CR2: variants seen among roughly 807,000 people sequenced by gnomAD.
The protein encoded by CR2 is complement C3d receptor 2, also known as complement receptor type 2.
In CR2, 96 loss-of-function variants were observed where a neutral mutation model predicts 123.0. The observed-to-expected ratio is 0.78, with a 90% CI of 0.66 to 0.93. CR2 has a LOEUF of 0.93. CR2 is among the 40% of genes least tolerant of loss of function. CR2 has a pLI of 0.00. For missense variants in CR2, 1,258 were observed against 1,361.0 expected (o/e 0.92, Z 1.19); for synonymous variants, 484 against 469.5 (o/e 1.03, Z -0.40).
At position 207,459,788 on chromosome 1, in the gene CR2, A is replaced by C. The variant is rs559587433; in HGVS notation, c.58+5312A>C. Among the ~76,000 whole-genome samples the C allele has an allele frequency of 2.9e-4, 44 of 152,320 alleles. No individual in the cohort carries two copies. The South Asian group carries it at 8.7e-3, about 30-fold the overall frequency. On this transcript the variant is annotated intron_variant, in intron 1 of 19. Coordinates refer to ENST00000367057, the MANE Select transcript of CR2 (RefSeq NM_001006658.3). The stretch of plus-strand genomic sequence containing the variant: ...GAAAATTTGTATTACTTGATGGCCC[A>C]TGGCTTAACCTTCCCTTTTCTGATA...
intron 2 of CR2, among the ~76,000 whole-genome samples, chr1:207,467,621 G>C (rs1658138238): frequency 6.6e-6 from 1 of 152,104 alleles, no homozygotes; most frequent in Non-Finnish European, 1.5e-5. Flanking sequence ...ATTTTAAGCA[G>C]ATTAAAGAGC....
Position 207,469,224 on chromosome 1 carries a change from T to G in CR2, c.809T>G (p.Val270Gly). ...GQGVAWTKMP[V>G]CEEIFCPSPP... ...GGAGTTGCTTGGACCAAAATGCCAGTATGTGAAGGTAGGCTAGGCAACTAT... is the reference window on the plus strand; with the variant it reads ...GGAGTTGCTTGGACCAAAATGCCAGGATGTGAAGGTAGGCTAGGCAACTAT... Residue 270 changes from valine (V) to glycine (G), a missense_variant, in exon 5 of 20, where the codon GTA becomes GGA. Transcript: ENST00000367057. 1 of 1,613,490 alleles carries G rather than the reference T, an allele frequency of 6.2e-7. No homozygotes were observed. The highest frequency in any genetic ancestry group is 8.5e-7 in the Non-Finnish European group (1 of 1,179,482).
chr1:207,458,077 C>CACACACACACACATACACACACACACAT (rs760630328), intron 1 of CR2, among the ~76,000 whole-genome samples: 5,541 of 150,136 alleles, frequency 0.037, 139 homozygotes, highest in East Asian at 0.091. Flanking sequence ...CACACACACA[C>CACACACACACACATACACACACACACAT]ACACACACAC....
In CR2 at chr1:207,461,330, G is replaced by A. The variant is rs546831009; in HGVS notation, c.59-5196G>A. On this transcript the variant is annotated intron_variant, in intron 1 of 19. Coordinates refer to ENST00000367057, the MANE Select transcript of CR2 (RefSeq NM_001006658.3). ...CTAATTTTTACTTGTAAGGGTGAAGGAGATGGAACAATTCTGAGGATTTTC... is the reference window on the plus strand; with the variant it reads ...CTAATTTTTACTTGTAAGGGTGAAGAAGATGGAACAATTCTGAGGATTTTC... Among the ~76,000 whole-genome samples, 8 of 152,204 alleles carry A rather than the reference G, an allele frequency of 5.3e-5. No homozygotes were observed. The East Asian group carries it at 1.4e-3, about 26-fold the overall frequency.
In CR2 at chr1:207,466,775, G is replaced by C. The variant is rs1325014294; in HGVS notation, c.308G>C (p.Arg103Thr). Residue 103 changes from arginine to threonine, a missense_variant, in exon 2 of 20, where the codon AGA becomes ACA. Arg to Thr is a moderately conservative substitution (Grantham distance 71). Coordinates refer to ENST00000367057, the MANE Select transcript of CR2 (RefSeq NM_001006658.3). ...ATAGTACCAGGAGGATACAAAATTA[G>C]AGGCTCTACACCCTACAGACATGGT... The part of the protein sequence containing the change: ...EPIVPGGYKI[R>T]GSTPYRHGDS... 2 of 1,613,804 alleles carry C rather than the reference G, an allele frequency of 1.2e-6. No homozygotes were observed. The highest frequency in any genetic ancestry group is 2.7e-5 in the African/African-American group (2 of 74,798).
At chr1:207,488,892 G>T (rs1658817965) in intron 19 of CR2, among the ~76,000 whole-genome samples, 1 of 152,128 alleles carries the variant, frequency 6.6e-6, no homozygotes, top group South Asian at 2.1e-4. Flanking sequence ...GAATGAGAAA[G>T]ATTAGTACTT....
intron 9 of CR2, chr1:207,472,070 A>C: frequency 5.8e-6 from 1 of 172,234 alleles, no homozygotes; most frequent in South Asian, 1.4e-4. Flanking sequence ...TAACATGGTA[A>C]AACCCCATCT....
intron 1 of CR2, among the ~76,000 whole-genome samples, chr1:207,463,714 C>T (rs762052249): frequency 1.3e-4 from 20 of 152,016 alleles, no homozygotes; most frequent in South Asian, 4.1e-4. Flanking sequence ...ACGTGTGCCG[C>T]GAGATTTCTT....
At chr1:207,474,097 T>A in intron 12 of CR2, 144 bp from the exon 13 acceptor site, 2 of 883,430 alleles carry the variant, frequency 2.3e-6, no homozygotes, top group Admixed American at 2.1e-5. Context: ...GTAGTTTTTT[T>A]ACTTGGAGTA....
chr1:207,482,129 A>G (rs1027899706), intron 18 of CR2, among the ~76,000 whole-genome samples: 3 of 152,008 alleles, frequency 2.0e-5, no homozygotes, highest in African/African-American at 7.2e-5. Flanking sequence ...TCTTTTCTAT[A>G]TTACATAAAG....
Position 207,471,361 on chromosome 1 carries a change from T to C in CR2, c.1494-62T>C, listed in dbSNP as rs1572955764. 3.1e-6 allele frequency: 4 copies of C among 1,290,334 alleles called. No individual in the cohort carries two copies. The South Asian group carries it at 3.6e-5, about 11-fold the overall frequency. 79.9% of individuals were successfully genotyped at this position (1,290,334 alleles called of 1,614,324 possible). A position where few individuals can be genotyped will look rare whatever the true frequency, so the allele number is the denominator to read the frequency against. Reference sequence around the variant, plus strand: ...AAGTAGTGAGTCTGCTTGGGAGCCATGGCTCTTGCCTAACTTAATGGTCAC... The same window carrying C: ...AAGTAGTGAGTCTGCTTGGGAGCCACGGCTCTTGCCTAACTTAATGGTCAC... On this transcript the variant is annotated intron_variant, in intron 8 of 19. Coordinates refer to ENST00000367057, the MANE Select transcript of CR2 (RefSeq NM_001006658.3).
rs1011401131 is a variant in CR2, at chr1:207,480,650, C to A, written c.3188+597C>A. On this transcript the variant is annotated intron_variant, in intron 18 of 19. Transcript: ENST00000367057. ...GAATTACTAAAGATAAGTGCATGAG[C>A]ATTTAATATACTTGATAACTATTGT... Among the ~76,000 whole-genome samples, 3 of 152,218 alleles carry A rather than the reference C, an allele frequency of 2.0e-5. 1 individual carries two copies. Among genetic ancestry groups the A allele is most frequent in the Non-Finnish European group, 1.5e-5 (1 of 67,978 alleles).
intron 9 of CR2, 102 bp from the exon 10 acceptor site, chr1:207,472,666 ACCGT>A (rs1254771423): frequency 2.7e-5 from 31 of 1,159,484 alleles, no homozygotes; most frequent in African/African-American, 1.8e-4. Context: ...ATGTACCCAT[ACCGT>A]CCAGGAAACA....
chr1:207,474,090 G>GT (rs1658364769), intron 12 of CR2, 151 bp from the exon 13 acceptor site: 7 of 870,018 alleles, frequency 8.0e-6, no homozygotes, highest in Admixed American at 6.3e-5. Flanking sequence ...CTCAAAAGTA[G>GT]TTTTTTTACT....
In CR2 at chr1:207,473,141, A is replaced by G. The variant is rs1293940672; in HGVS notation, c.1940A>G (p.Asp647Gly). 2 of 1,614,004 alleles carry G rather than the reference A, an allele frequency of 1.2e-6. No homozygotes were observed. Among genetic ancestry groups the G allele is most frequent in the South Asian group, 1.1e-5 (1 of 91,080 alleles). ...KGSSQIRCKA[D>G]NTWDPEIPVC... is the part of the protein sequence containing the mutation. Reference sequence around the variant, plus strand: ...AGTAGTCAGATTCGTTGCAAAGCTGATAACACCTGGGATCCTGAAATACCA... The same window carrying G: ...AGTAGTCAGATTCGTTGCAAAGCTGGTAACACCTGGGATCCTGAAATACCA... The change falls in exon 10 of 20, where the codon GAT becomes GGT. Residue 647 changes from aspartate (D) to glycine (G), a missense_variant. Asp to Gly is a moderately conservative substitution (Grantham distance 94). Coordinates refer to ENST00000367057, the MANE Select transcript of CR2 (RefSeq NM_001006658.3).
chr1:207,470,679 C>T (rs1658244773), intron 6 of CR2, 61 bp from the exon 7 acceptor site: 1 of 1,522,754 alleles, frequency 6.6e-7, no homozygotes, highest in Admixed American at 1.7e-5. Flanking sequence ...TTCTTTGGCT[C>T]AGTTTCTTTC....
intron 10 of CR2, 98 bp downstream of exon 10, chr1:207,473,277 G>T: frequency 1.4e-6 from 2 of 1,409,764 alleles, no homozygotes; most frequent in Non-Finnish European, 2.0e-6. Context: ...AGGCAAGAGG[G>T]GCACAGATTA....
intron 19 of CR2, 57 bp downstream of exon 19, chr1:207,485,629 TTTATCA>T: frequency 1.8e-5 from 18 of 1,013,906 alleles, no homozygotes; most frequent in Non-Finnish European, 2.6e-5. Context: ...TCAACTTGTA[TTTATCA>T]ATAAGCGTAG....
At chr1:207,482,133 CA>C (rs1431746788) in intron 18 of CR2, among the ~76,000 whole-genome samples, 1 of 152,008 alleles carries the variant, frequency 6.6e-6, no homozygotes, top group African/African-American at 2.4e-5. Context: ...TTCTATATTA[CA>C]TAAAGTGTAT....
Sources: allele counts gnomAD v4.1 joint callset (sites outside exome capture counted in the v4.1 genomes callset), GRCh38; gene constraint gnomAD v4.1.1; transcripts MANE v1.5; gene names NCBI Gene and HGNC (gene_info 2026-07-23, HGNC 2026-07-21).